Variants in SHROOM3 observed in about 807,000 individuals in gnomAD.
The protein encoded by SHROOM3 is protein Shroom3.
SHROOM3 carries 47 observed loss-of-function variants against 138.6 expected under a neutral mutation model. The ratio of observed to expected loss-of-function variants is 0.34; its 90% CI spans 0.27 to 0.43. SHROOM3 has a LOEUF of 0.43. SHROOM3 is among the 20% of genes least tolerant of loss of function. The probability of loss-of-function intolerance (pLI) is 1.00; values close to 1 mark genes in which losing one functional copy is unlikely to be tolerated. For missense variants in SHROOM3, 2,491 were observed against 2,596.5 expected (o/e 0.96, Z 0.88); for synonymous variants, 1,062 against 1,063.3 (o/e 1.00, Z 0.02).
chr4:76,629,387 G>A (rs1735245963), intron 2 of SHROOM3, among the ~76,000 whole-genome samples: 1 of 152,226 alleles, frequency 6.6e-6, no homozygotes, highest in South Asian at 2.1e-4. Context: ...GTGGGGAGGA[G>A]TGGATCATAT....
intron 2 of SHROOM3, among the ~76,000 whole-genome samples, chr4:76,690,249 C>G (rs909672521): frequency 6.6e-6 from 1 of 152,100 alleles, no homozygotes; most frequent in African/African-American, 2.4e-5. Flanking sequence ...CTCCGAATTG[C>G]CAGAGGAATA....
chr4:76,482,166 A>G (rs1469892789), intron 1 of SHROOM3, among the ~76,000 whole-genome samples: 9 of 152,184 alleles, frequency 5.9e-5, no homozygotes, highest in Non-Finnish European at 2.9e-5. Flanking sequence ...GCAATCAGGC[A>G]AGAGAAAGAA....
chr4:76,714,664 T>A (rs1422466758), intron 3 of SHROOM3, among the ~76,000 whole-genome samples: 3 of 152,268 alleles, frequency 2.0e-5, no homozygotes, highest in South Asian at 2.1e-4. Flanking sequence ...CTTTCTTCAC[T>A]GATCTTGGCA....
chr4:76,703,066 AAGC>A (rs1560596185), intron 2 of SHROOM3, among the ~76,000 whole-genome samples: 11 of 152,212 alleles, frequency 7.2e-5, no homozygotes, highest in Admixed American at 6.5e-5. Context: ...AAGTGAAAAA[AAGC>A]AGCAGCCAGA....
At chr4:76,439,482 C>T (rs776166988) in intron 1 of SHROOM3, among the ~76,000 whole-genome samples, 3 of 152,076 alleles carry the variant, frequency 2.0e-5, no homozygotes, top group Non-Finnish European at 4.4e-5. Flanking sequence ...GGCATTTGAG[C>T]ATTGGTAGAA....
rs200514046 is a variant in SHROOM3 at position 76,779,089 on chromosome 4, C to G, written c.5903C>G (p.Ala1968Gly). 6.2e-7 allele frequency: 1 copy of G among 1,614,208 alleles called. No individual in the cohort carries two copies. The highest frequency in any genetic ancestry group is 8.5e-7 in the Non-Finnish European group (1 of 1,180,040). Residue 1968 changes from alanine (A) to glycine (G), a missense_variant, in exon 11 of 11, where the codon GCT (alanine) becomes GGT (glycine). By Grantham distance (60) the Ala-to-Gly change is moderately conservative. Around this residue, in one of 4 missense-constraint regions of SHROOM3, gnomAD observed 470 missense variants for 595.0 expected, o/e 0.79. Coordinates refer to ENST00000296043, the MANE Select transcript of SHROOM3 (RefSeq NM_020859.4). Reference protein sequence around the residue: ...SDFIPKAGALALPPNLTSEPI... With the variant: ...SDFIPKAGALGLPPNLTSEPI... ...TTCATTCCCAAGGCTGGGGCCCTGG[C>G]TCTGCCCCCAAACCTCACGAGTGAG...
intron 1 of SHROOM3, among the ~76,000 whole-genome samples, chr4:76,513,279 G>A (rs1732376242): frequency 6.6e-6 from 1 of 152,128 alleles, no homozygotes; most frequent in Admixed American, 6.6e-5. Flanking sequence ...TGTGGGAGAA[G>A]GGGAAGCTGG....
intron 2 of SHROOM3, among the ~76,000 whole-genome samples, chr4:76,622,640 G>A (rs939023300): frequency 2.0e-5 from 3 of 151,884 alleles, no homozygotes; most frequent in African/African-American, 4.8e-5. Context: ...ATGGAATTTG[G>A]AAGGCATATT....
At chr4:76,457,468 G>A (rs1240005061) in intron 1 of SHROOM3, among the ~76,000 whole-genome samples, 1 of 151,844 alleles carries the variant, frequency 6.6e-6, no homozygotes, top group African/African-American at 2.4e-5. Context: ...GCAGAACCGT[G>A]AGTCAACTAA....
At chr4:76,673,082 C>T (rs1037397264) in intron 2 of SHROOM3, among the ~76,000 whole-genome samples, 1 of 152,152 alleles carries the variant, frequency 6.6e-6, no homozygotes, top group African/African-American at 2.4e-5. Context: ...AGTCCCTTCC[C>T]TAATTAAATC....
Position 76,486,082 on chromosome 4 carries a change from A to C in SHROOM3, c.168+49862A>C, listed in dbSNP as rs969081026. Among the ~76,000 whole-genome samples the C allele has an allele frequency of 3.7e-4, 56 of 152,186 alleles. 1 individual carries two copies. Among genetic ancestry groups the C allele is most frequent in the Admixed American group, 3.7e-3 (56 of 15,282 alleles). On this transcript the variant is annotated intron_variant, in intron 1 of 10. Transcript: ENST00000296043. ...TCCCACCTTTTCTGAGGTACAGAAA[A>C]AAATAAGTGCGTGCTGCCATTTGCT... is the stretch of plus-strand genomic sequence containing the variant.
rs114129590 is a variant in SHROOM3, at chr4:76,681,793, G to A, written c.324-28363G>A. On this transcript the variant is annotated intron_variant, in intron 2 of 10. Coordinates refer to ENST00000296043, the MANE Select transcript of SHROOM3 (RefSeq NM_020859.4). ...TTACCAGAAACAATTTGCCTCTCCT[G>A]AACCACTTTGGACTGGAAAGATTGG... 6.4e-3 allele frequency among the ~76,000 whole-genome samples: 977 copies of A among 152,148 alleles called. 10 individuals are homozygous for A. Among genetic ancestry groups the A allele is most frequent in the African/African-American group, 0.022 (913 of 41,480 alleles).
At chr4:76,480,808 T>C (rs1225363438) in intron 1 of SHROOM3, among the ~76,000 whole-genome samples, 2 of 152,110 alleles carry the variant, frequency 1.3e-5, no homozygotes, top group African/African-American at 4.8e-5. Context: ...GCAATCAAAC[T>C]AGAACTCAGG....
At chr4:76,738,673 A>C in intron 4 of SHROOM3, 88 bp from the exon 5 acceptor site, 1 of 1,510,070 alleles carries the variant, frequency 6.6e-7, no homozygotes, top group Non-Finnish European at 9.2e-7. Context: ...CTCTTGCACA[A>C]GAGAACATTT....
Position 76,781,753 on chromosome 4 carries a change from T to C in SHROOM3, c.*2576T>C, listed in dbSNP as rs1292718451. 6.6e-6 allele frequency: 1 copy of C among 152,242 alleles called. No individual in the cohort carries two copies. The highest frequency in any genetic ancestry group is 1.9e-4 in the East Asian group (1 of 5,200). The allele number at this position is 152,242 out of a possible 1,614,324, so 9.4% of individuals were successfully genotyped here. ...GTATTTATCCCTTTCCTATTTTGCA[T>C]TCTTCTCCCACTATTTTTAAAAACT... On this transcript the variant is annotated 3_prime_UTR_variant, in exon 11 of 11. Coordinates refer to ENST00000296043, the MANE Select transcript of SHROOM3 (RefSeq NM_020859.4).
intron 10 of SHROOM3, among the ~76,000 whole-genome samples, chr4:76,777,799 A>T (rs1440825231): frequency 5.3e-5 from 8 of 152,228 alleles, no homozygotes; most frequent in African/African-American, 1.9e-4. Flanking sequence ...TTTAAAAATG[A>T]TCATGTTGGA....
intron 2 of SHROOM3, among the ~76,000 whole-genome samples, chr4:76,618,961 C>T (rs557076762): frequency 2.0e-5 from 3 of 152,302 alleles, no homozygotes; most frequent in African/African-American, 7.2e-5. Flanking sequence ...GATTCTACTG[C>T]CTCAGCCTCC....
At position 76,435,897 on chromosome 4, in the gene SHROOM3, G is replaced by A. The variant is rs527905307; in HGVS notation, c.-156G>A. Reference sequence around the variant, plus strand: ...GTTCAGCATCTTGGAGTTCAGCTTGGAAGAACATTTTACGTATGGAAGAAT... The same window carrying A: ...GTTCAGCATCTTGGAGTTCAGCTTGAAAGAACATTTTACGTATGGAAGAAT... On this transcript the variant is annotated 5_prime_UTR_variant, in exon 1 of 11. Coordinates refer to ENST00000296043, the MANE Select transcript of SHROOM3 (RefSeq NM_020859.4). The A allele has an allele frequency of 1.7e-4, 111 of 661,972 alleles. No individual in the cohort carries two copies. In the African/African-American group the frequency reaches 1.7e-3, roughly 10 times the overall value. 41.0% of individuals were successfully genotyped at this position (661,972 alleles called of 1,614,324 possible).
At chr4:76,501,906 T>C (rs912592848) in intron 1 of SHROOM3, among the ~76,000 whole-genome samples, 3 of 152,118 alleles carry the variant, frequency 2.0e-5, no homozygotes, top group Admixed American at 1.3e-4. Flanking sequence ...CCAGTAAACA[T>C]AAGTAACGTA....
Sources: allele counts gnomAD v4.1 joint callset (sites outside exome capture counted in the v4.1 genomes callset), GRCh38; gene constraint gnomAD v4.1.1; regional missense constraint gnomAD v4.1.1; transcripts MANE v1.5; gene names NCBI Gene and HGNC (gene_info 2026-07-23, HGNC 2026-07-21).